OBI1: variants seen among roughly 807,000 people sequenced by gnomAD.
OBI1 encodes ORC ubiquitin ligase 1.
OBI1 carries 59 observed loss-of-function variants against 62.4 expected under a neutral mutation model. The observed-to-expected ratio is 0.95, with a 90% CI of 0.77 to 1.17. The LOEUF is 1.17. OBI1 is among the 50% of genes most tolerant of loss of function. OBI1 has a pLI of 0.00. For synonymous variants in OBI1, 302 were observed against 292.8 expected, an observed-to-expected ratio of 1.03 and a Z score of -0.32; for missense variants, 875 against 830.9, an observed-to-expected ratio of 1.05 and a Z score of -0.65.
chr13:78,617,793 T>C (rs1306420670), intron 5 of OBI1, among the ~76,000 whole-genome samples: 1 of 152,150 alleles, frequency 6.6e-6, no homozygotes, highest in Non-Finnish European at 1.5e-5. Flanking sequence ...TCTTTCAACT[T>C]TGAAATATGA....
At chr13:78,651,614 T>TA (rs201519050) in intron 1 of OBI1, among the ~76,000 whole-genome samples, 34 of 149,636 alleles carry the variant, frequency 2.3e-4, no homozygotes, top group South Asian at 8.5e-4. Context: ...CTGACAGTAA[T>TA]AAAAAAAAAA....
chr13:78,641,680 G>C (rs532585559), intron 3 of OBI1, among the ~76,000 whole-genome samples: 1 of 152,192 alleles, frequency 6.6e-6, no homozygotes, highest in African/African-American at 2.4e-5. Flanking sequence ...TACTAGAATT[G>C]ATCAGGCTTA....
At position 78,616,246 on chromosome 13, in the gene OBI1, T is replaced by C. The variant is rs1162786688; in HGVS notation, c.1515A>G (p.Leu505=). 2 of 1,613,898 alleles carry C rather than the reference T, an allele frequency of 1.2e-6. No individual in the cohort carries two copies. The highest frequency in any genetic ancestry group is 8.5e-7 in the Non-Finnish European group (1 of 1,179,842). The change falls in exon 6 of 6, where the codon TTA becomes TTG. Residue 505 remains leucine (L), a synonymous_variant. Coordinates refer to ENST00000282003, the MANE Select transcript of OBI1 (RefSeq NM_024546.4). ...ISSKLSEKSG[L]CLSKRLNSIR... ...TAGAATTCAACCTTTTGGATAAACA[T>C]AAGCCTGATTTCTCACTCAATTTTG...
Position 78,641,754 on chromosome 13 carries a change from AAGG to A in OBI1, c.300+365_300+367del, listed in dbSNP as rs1200407077. 7.2e-5 allele frequency among the ~76,000 whole-genome samples: 11 copies of A among 152,158 alleles called. No homozygotes were observed. The South Asian group carries it at 1.5e-3, about 20-fold the overall frequency. On this transcript the variant is annotated intron_variant, in intron 3 of 5. Coordinates refer to ENST00000282003, the MANE Select transcript of OBI1 (RefSeq NM_024546.4). The stretch of plus-strand genomic sequence containing the variant: ...CTGCAGAGGTCAGACTGGCTTTCAC[AAGG>A]AGATTTCCTTTTTCTCCCAACTTCT...
intron 1 of OBI1, among the ~76,000 whole-genome samples, chr13:78,653,287 A>C (rs1377598646): frequency 6.6e-6 from 1 of 152,206 alleles, no homozygotes; most frequent in African/African-American, 2.4e-5. Context: ...TACCCACTAG[A>C]TGCCAGTAGC....
chr13:78,648,913 C>CA (rs11385544), intron 1 of OBI1, among the ~76,000 whole-genome samples: 36,052 of 125,490 alleles, frequency 0.29, 4,758 homozygotes, highest in East Asian at 0.35. Flanking sequence ...AATGCCATCT[C>CA]AAAAAAAAAA....
chr13:78,632,526 T>C (rs1359663207), intron 5 of OBI1, among the ~76,000 whole-genome samples: 2 of 152,192 alleles, frequency 1.3e-5, no homozygotes, highest in Non-Finnish European at 2.9e-5. Context: ...TAAAAAAGTA[T>C]ACCCTGACAC....
rs1432910185 is a variant in OBI1 at position 78,616,899 on chromosome 13, C to T, written c.862G>A (p.Asp288Asn). ...DGKGSKGSEE[D>N]VVSKNQGDSA... ...TCGCCTTGATTCTTTGACACCACAT[C>T]CTCCTCACTGCCTTTGCTCCCTTTG... Residue 288 changes from aspartate to asparagine, a missense_variant, in exon 6 of 6, where the codon GAT becomes AAT. Coordinates refer to ENST00000282003, the MANE Select transcript of OBI1 (RefSeq NM_024546.4). 8.7e-6 allele frequency: 14 copies of T among 1,614,154 alleles called. No individual in the cohort carries two copies. Among genetic ancestry groups the T allele is most frequent in the Non-Finnish European group, 1.2e-5 (14 of 1,180,006 alleles).
intron 1 of OBI1, among the ~76,000 whole-genome samples, chr13:78,651,371 T>C (rs1371883458): frequency 6.6e-6 from 1 of 152,222 alleles, no homozygotes; most frequent in African/African-American, 2.4e-5. Flanking sequence ...TAATGATTTT[T>C]TTCCTGCTCA....
At chr13:78,656,730 G>A (rs1380626597) in intron 1 of OBI1, among the ~76,000 whole-genome samples, 1 of 14,284 alleles carries the variant, frequency 7.0e-5, no homozygotes, top group Non-Finnish European at 1.3e-4. Context: ...CATGGTACCT[G>A]GGGGGGGGGG....
intron 2 of OBI1, 106 bp downstream of exon 2, chr13:78,644,756 C>T: frequency 7.9e-7 from 1 of 1,261,566 alleles, no homozygotes. Context: ...ATTATGTTGG[C>T]CAAATAGCAT....
At position 78,617,113 on chromosome 13, in the gene OBI1, C is replaced by G; in HGVS notation, c.648G>C (p.Arg216Ser). The G allele has an allele frequency of 2.6e-6, 4 of 1,546,272 alleles. No homozygotes were observed. The highest frequency in any genetic ancestry group is 3.5e-6 in the Non-Finnish European group (4 of 1,151,268). ...TGGACTGAAGAGCAGCAACTGCAAACCTTCCAAACCTACAAAGAATGGAAA... is the reference window on the plus strand; with the variant it reads ...TGGACTGAAGAGCAGCAACTGCAAAGCTTCCAAACCTACAAAGAATGGAAA... ...VDNRSPQKFG[R>S]FAVAALQSKV... Residue 216 changes from arginine to serine, a missense_variant, in exon 6 of 6, where the codon AGG (arginine) becomes AGC (serine). Arg to Ser is a moderately radical substitution (Grantham distance 110). Coordinates refer to ENST00000282003, the MANE Select transcript of OBI1 (RefSeq NM_024546.4).
intron 2 of OBI1, 46 bp downstream of exon 2, chr13:78,644,816 G>C: frequency 6.3e-7 from 1 of 1,580,210 alleles, no homozygotes; most frequent in East Asian, 2.2e-5. Context: ...ATTATTTGGA[G>C]ATTGTTTCAA....
rs551170270 is a variant in OBI1, at chr13:78,644,608, G to A, written c.208+254C>T. The stretch of plus-strand genomic sequence containing the variant: ...GGCTTTTTTGGGGCCCTTAGCACTT[G>A]CTGCTTTTCTTTTGGTTCAGTTGCT... On this transcript the variant is annotated intron_variant, in intron 2 of 5. Coordinates refer to ENST00000282003, the MANE Select transcript of OBI1 (RefSeq NM_024546.4). Among the ~76,000 whole-genome samples the A allele has an allele frequency of 3.9e-4, 60 of 152,058 alleles. No individual in the cohort carries two copies. Among genetic ancestry groups the A allele is most frequent in the African/African-American group, 1.4e-3 (56 of 41,470 alleles).
intron 5 of OBI1, among the ~76,000 whole-genome samples, chr13:78,620,446 CT>C: frequency 6.6e-6 from 1 of 152,268 alleles, no homozygotes; most frequent in African/African-American, 2.4e-5. Flanking sequence ...GACCAAAAGG[CT>C]TTGATTTTCA....
rs1875293794 is a variant in OBI1 at position 78,616,472 on chromosome 13, T to C, written c.1289A>G (p.Asp430Gly). ...SNHLRKLVFDDFCDSSNVSNK... is the reference protein window; with the variant it reads ...SNHLRKLVFDGFCDSSNVSNK... ...AGAAACATTTGAAGAATCACAAAAA[T>C]CATCAAACACCAATTTTCTGAGATG... The change falls in exon 6 of 6, where the codon GAT (aspartate) becomes GGT (glycine). Residue 430 changes from aspartate to glycine, a missense_variant. By Grantham distance (94) the Asp-to-Gly change is moderately conservative. Transcript: ENST00000282003. 1 of 1,614,076 alleles carries C rather than the reference T, an allele frequency of 6.2e-7. No individual in the cohort carries two copies. The highest frequency in any genetic ancestry group is 8.5e-7 in the Non-Finnish European group (1 of 1,180,016).
At chr13:78,631,926 C>T (rs951474850) in intron 5 of OBI1, among the ~76,000 whole-genome samples, 5 of 152,038 alleles carry the variant, frequency 3.3e-5, no homozygotes, top group African/African-American at 1.2e-4. Flanking sequence ...AAAATATATT[C>T]GTTTTTATAC....
Position 78,620,491 on chromosome 13 carries a change from C to T in OBI1, c.639-3369G>A, listed in dbSNP as rs1294006176. The T allele has an allele frequency of 4.9e-5, 17 of 348,612 alleles. No individual in the cohort carries two copies. The Admixed American group carries it at 5.8e-4, about 12-fold the overall frequency. The allele number at this position is 348,612 out of a possible 1,614,324, so 21.6% of individuals were successfully genotyped here. A position where few individuals can be genotyped will look rare whatever the true frequency, so the allele number is the denominator to read the frequency against. On this transcript the variant is annotated intron_variant, in intron 5 of 5. Transcript: ENST00000282003. Reference sequence around the variant, plus strand: ...GTGATGGCCAAAGGCTTCATTGTGCCAGAAAAAACACTGCAGAGCAGTTTG... The same window carrying T: ...GTGATGGCCAAAGGCTTCATTGTGCTAGAAAAAACACTGCAGAGCAGTTTG...
At chr13:78,632,194 AG>A (rs1875872340) in intron 5 of OBI1, among the ~76,000 whole-genome samples, 1 of 152,106 alleles carries the variant, frequency 6.6e-6, no homozygotes, top group Non-Finnish European at 1.5e-5. Context: ...TAAGAGGAAA[AG>A]AGACCAGATT....
Sources: allele counts gnomAD v4.1 joint callset (sites outside exome capture counted in the v4.1 genomes callset), GRCh38; gene constraint gnomAD v4.1.1; transcripts MANE v1.5; gene names NCBI Gene and HGNC (gene_info 2026-07-23, HGNC 2026-07-21).